The following FOXP1 variants were observed in gnomAD, a reference collection of about 807,000 sequenced individuals.
FOXP1 encodes the protein forkhead box P1, also known as forkhead box protein P1.
FOXP1 carries 15 observed loss-of-function variants against 98.2 expected under a neutral mutation model. The observed-to-expected ratio is 0.15, with a 90% CI of 0.10 to 0.24. The LOEUF (loss-of-function observed/expected upper bound fraction) is 0.24. Among genes scored for constraint, FOXP1 ranks in the 10% least tolerant of loss-of-function variants. The pLI is 1.00. For missense variants in FOXP1, 633 were observed against 848.5 expected (o/e 0.75, Z 3.15); for synonymous variants, 371 against 314.5 (o/e 1.18, Z -1.90).
rs987998675 is a variant in FOXP1 at position 70,956,086 on chromosome 3, C to T, written c.*3161G>A. ...TTCCAAAGCTATTTTTTTTTAGTATCGTTAATATAAAGCAGTTGCACAAAA... is the reference window on the plus strand; with the variant it reads ...TTCCAAAGCTATTTTTTTTTAGTATTGTTAATATAAAGCAGTTGCACAAAA... On this transcript the variant is annotated 3_prime_UTR_variant, in exon 21 of 21. Transcript: ENST00000649528. The T allele has an allele frequency of 4.3e-6, 1 of 232,196 alleles. No homozygotes were observed. Among genetic ancestry groups the T allele is most frequent in the Non-Finnish European group, 8.5e-6 (1 of 117,716 alleles). The allele number at this position is 232,196 out of a possible 1,614,324, so 14.4% of individuals were successfully genotyped here.
chr3:71,198,364 C>A lies in FOXP1; in HGVS notation c.18G>T (p.Gly6=), dbSNP rs1470848594. The part of the protein sequence containing the change: MMQES[G]TETKSNGSAI... ...CTGAACCGTTACTTTTTGTCTCAGT[C>A]CCAGATTCTTGCATCATGACTCAAA... Residue 6 remains glycine, a synonymous_variant, in exon 6 of 21, where the codon GGG becomes GGT. Coordinates refer to ENST00000649528, the MANE Select transcript of FOXP1 (RefSeq NM_001349338.3). The A allele has an allele frequency of 2.5e-6, 4 of 1,611,866 alleles. No individual in the cohort carries two copies. Among genetic ancestry groups the A allele is most frequent in the African/African-American group, 1.3e-5 (1 of 74,272 alleles).
intron 6 of FOXP1, among the ~76,000 whole-genome samples, chr3:71,139,806 A>G (rs146364193): frequency 6.6e-6 from 1 of 152,328 alleles, no homozygotes; most frequent in Non-Finnish European, 1.5e-5. Context: ...ATTATGTGTT[A>G]AGGAATGGGA....
chr3:71,413,288 ACACC>A, intron 3 of FOXP1, among the ~76,000 whole-genome samples: 1 of 144,468 alleles, frequency 6.9e-6, no homozygotes, highest in Non-Finnish European at 1.5e-5. Context: ...ACACACACAC[ACACC>A]CAAAACAGCC....
intron 2 of FOXP1, chr3:71,580,969 C>A: frequency 1.0e-6 from 1 of 985,322 alleles, no homozygotes; most frequent in Non-Finnish European, 1.2e-6. Flanking sequence ...CAATTCCAGC[C>A]CCTCAGAAGT....
chr3:71,065,066 T>TCCGAGGC (rs2052266611), intron 7 of FOXP1: 1 of 139,918 alleles, frequency 7.1e-6, no homozygotes, highest in Non-Finnish European at 1.6e-5. Flanking sequence ...CACAATGGGC[T>TCCGAGGC]CCGCGGCCCG....
At chr3:71,140,678 C>T (rs1044299481) in intron 6 of FOXP1, among the ~76,000 whole-genome samples, 6 of 152,174 alleles carry the variant, frequency 3.9e-5, no homozygotes, top group Admixed American at 3.9e-4. Context: ...GAGTGGTTGA[C>T]TATCTTGCCC....
At chr3:71,391,136 A>G (rs1398273650) in intron 3 of FOXP1, among the ~76,000 whole-genome samples, 1 of 152,230 alleles carries the variant, frequency 6.6e-6, no homozygotes, top group Non-Finnish European at 1.5e-5. Flanking sequence ...ACTTGTAATA[A>G]TAACACTCAC....
chr3:71,030,223 A>G (rs942232961), intron 11 of FOXP1, among the ~76,000 whole-genome samples: 1 of 152,248 alleles, frequency 6.6e-6, no homozygotes, highest in Non-Finnish European at 1.5e-5. Context: ...GGGTTCTGAT[A>G]GGAGGCTAAA....
At chr3:71,075,549 A>G (rs918079943) in intron 7 of FOXP1, among the ~76,000 whole-genome samples, 11 of 152,206 alleles carry the variant, frequency 7.2e-5, no homozygotes, top group African/African-American at 2.7e-4. Flanking sequence ...TTTTTTAACC[A>G]GGGTCACTAG....
chr3:71,152,089 TA>T lies in FOXP1; in HGVS notation c.181-39453del, dbSNP rs373120866. Among the ~76,000 whole-genome samples, 738 of 152,254 alleles carry T rather than the reference TA, an allele frequency of 4.8e-3. 2 individuals carry two copies. The highest frequency in any genetic ancestry group is 7.6e-3 in the Admixed American group (116 of 15,300). ...TTTTCCTCTGTGGGCCTGGCCTAATTAGGTGAGCCCCTTCAAAGAGGGTCGG... is the reference window on the plus strand; with the variant it reads ...TTTTCCTCTGTGGGCCTGGCCTAATTGGTGAGCCCCTTCAAAGAGGGTCGG... On this transcript the variant is annotated intron_variant, in intron 6 of 20. Coordinates refer to ENST00000649528, the MANE Select transcript of FOXP1 (RefSeq NM_001349338.3).
intron 3 of FOXP1, among the ~76,000 whole-genome samples, chr3:71,396,916 GTGTATATA>G (rs1412429931): frequency 3.4e-5 from 3 of 89,392 alleles, no homozygotes; most frequent in South Asian, 3.2e-4. Flanking sequence ...ATATATATGT[GTGTATATA>G]TATATATATA....
chr3:71,044,512 T>C (rs1243315129), intron 10 of FOXP1, among the ~76,000 whole-genome samples: 1 of 152,176 alleles, frequency 6.6e-6, no homozygotes, highest in Non-Finnish European at 1.5e-5. Context: ...TTTCCTATTA[T>C]AAAACCTTCA....
At chr3:71,134,564 T>C (rs145988348) in intron 6 of FOXP1, among the ~76,000 whole-genome samples, 54 of 152,224 alleles carry the variant, frequency 3.5e-4, no homozygotes, top group Middle Eastern at 3.4e-3. Flanking sequence ...ATGAAACATA[T>C]ACTACAGTAG....
At chr3:71,105,990 A>T (rs1032091560) in intron 7 of FOXP1, among the ~76,000 whole-genome samples, 1 of 152,228 alleles carries the variant, frequency 6.6e-6, no homozygotes, top group African/African-American at 2.4e-5. Flanking sequence ...ACACATAAAA[A>T]GAGAGGCAAT....
At chr3:71,332,807 G>A (rs1448149621) in intron 4 of FOXP1, 2 of 152,296 alleles carry the variant, frequency 1.3e-5, no homozygotes, top group African/African-American at 2.4e-5. Flanking sequence ...ATGTGGAAAA[G>A]CTAAGACTAG....
chr3:70,967,494 G>GTTTA (rs986518521), intron 19 of FOXP1, among the ~76,000 whole-genome samples: 19 of 152,164 alleles, frequency 1.2e-4, no homozygotes, highest in African/African-American at 4.6e-4. Flanking sequence ...AAAATCCTGT[G>GTTTA]TTTATTTCCA....
chr3:71,300,513 G>C (rs548738592), intron 4 of FOXP1, among the ~76,000 whole-genome samples: 1 of 152,058 alleles, frequency 6.6e-6, no homozygotes, highest in Non-Finnish European at 1.5e-5. Flanking sequence ...TTGAAATCAA[G>C]CTTCCTAAAA....
chr3:71,065,157 A>C (rs531853000), intron 7 of FOXP1, among the ~76,000 whole-genome samples: 1 of 150,550 alleles, frequency 6.6e-6, no homozygotes, highest in Non-Finnish European at 1.5e-5. Flanking sequence ...TTGTCTGGAG[A>C]GCAACTCCAC....
chr3:71,528,013 C>G (rs1483655846), intron 2 of FOXP1, among the ~76,000 whole-genome samples: 1 of 152,178 alleles, frequency 6.6e-6, no homozygotes, highest in Non-Finnish European at 1.5e-5. Flanking sequence ...ACGGTGTCTA[C>G]AGGACATCAA....
Sources: gnomAD v4.1 joint callset for allele counts (sites outside exome capture counted in the v4.1 genomes callset) on GRCh38, gnomAD v4.1.1 for gene constraint, MANE v1.5 for transcripts, NCBI Gene and HGNC (gene_info 2026-07-23, HGNC 2026-07-21) for gene names.